Variants in CAMTA1 observed in about 807,000 individuals in gnomAD.
CAMTA1 encodes the protein calmodulin-binding transcription activator 1.
CAMTA1 carries 27 observed loss-of-function variants against 170.9 expected under a neutral mutation model. That is an observed-to-expected ratio of 0.16 (90% confidence interval 0.12 to 0.22). The LOEUF (loss-of-function observed/expected upper bound fraction) is 0.22, where lower values mean the gene tolerates loss of function less well. Among genes scored for constraint, CAMTA1 ranks in the 10% least tolerant of loss-of-function variants. The probability of loss-of-function intolerance (pLI) is 1.00; values close to 1 mark genes in which losing one functional copy is unlikely to be tolerated. For missense variants in CAMTA1, 1,619 were observed against 2,217.2 expected (o/e 0.73, Z 5.42); for synonymous variants, 833 against 891.5 (o/e 0.93, Z 1.17).
chr1:7,392,894 A>T lies in CAMTA1; in HGVS notation c.439-74936A>T, dbSNP rs112057128. 5.9e-3 allele frequency among the ~76,000 whole-genome samples: 894 copies of T among 151,608 alleles called. 8 individuals are homozygous for T. The highest frequency in any genetic ancestry group is 0.021 in the African/African-American group (856 of 41,302). On this transcript the variant is annotated intron_variant, in intron 5 of 22. Coordinates refer to ENST00000303635, the MANE Select transcript of CAMTA1 (RefSeq NM_015215.4). ...CGATCAATCAATCAATCAATCAATCAATCTATAAGCTGAGTGTGGTGGTTA... is the reference window on the plus strand; with the variant it reads ...CGATCAATCAATCAATCAATCAATCTATCTATAAGCTGAGTGTGGTGGTTA...
chr1:7,300,898 C>G lies in CAMTA1; in HGVS notation c.438+51272C>G, dbSNP rs750279845. Among the ~76,000 whole-genome samples the G allele has an allele frequency of 2.4e-4, 37 of 152,128 alleles. No individual in the cohort carries two copies. The highest frequency in any genetic ancestry group is 4.6e-4 in the Non-Finnish European group (31 of 68,016). The stretch of plus-strand genomic sequence containing the variant: ...CATAAACTTTTATTTATCATGACAG[C>G]AAGTCATAAAGTTCTCTTACTAGAA... On this transcript the variant is annotated intron_variant, in intron 5 of 22. Transcript: ENST00000303635. This position sits in a 1 kb window ranked among gnomAD's most constrained non-coding sequence, Gnocchi z 4.1.
chr1:7,499,742 G>A (rs1451961713), intron 6 of CAMTA1, among the ~76,000 whole-genome samples: 8 of 140,690 alleles, frequency 5.7e-5, no homozygotes, highest in Non-Finnish European at 1.1e-4. Context: ...GAGTGAGTGT[G>A]TAGAGAGGAT....
At chr1:7,020,718 C>T (rs1305252878) in intron 3 of CAMTA1, among the ~76,000 whole-genome samples, 5 of 152,118 alleles carry the variant, frequency 3.3e-5, no homozygotes, top group Non-Finnish European at 7.4e-5. Context: ...CCTTGAGCTG[C>T]GATATGGGGC....
chr1:7,589,486 G>C (rs2095338719), intron 6 of CAMTA1, among the ~76,000 whole-genome samples: 1 of 152,206 alleles, frequency 6.6e-6, no homozygotes, highest in East Asian at 1.9e-4. Context: ...AATCCTCTTG[G>C]TGAGAGCAGT....
chr1:7,726,677 A>C (rs2096689236), intron 11 of CAMTA1, among the ~76,000 whole-genome samples: 1 of 152,056 alleles, frequency 6.6e-6, no homozygotes. Context: ...TCTTTTCTGT[A>C]CCCTTGCCCA....
chr1:7,729,381 G>C (rs1383790257), intron 11 of CAMTA1, among the ~76,000 whole-genome samples: 1 of 152,164 alleles, frequency 6.6e-6, no homozygotes, highest in Non-Finnish European at 1.5e-5. Context: ...CTCTCAAAGT[G>C]GTGGGATTAC....
At position 7,570,267 on chromosome 1, in the gene CAMTA1, T is replaced by C. The variant is rs2095109523; in HGVS notation, c.511-70133T>C. ...TCTTTTCCCTGGCTTCTGCTTTTGA[T>C]CCCTGAGGAGATGCAACCCTTCCTT... On this transcript the variant is annotated intron_variant, in intron 6 of 22. Coordinates refer to ENST00000303635, the MANE Select transcript of CAMTA1 (RefSeq NM_015215.4). This position sits in a 1 kb window ranked among gnomAD's most constrained non-coding sequence, Gnocchi z 4.3. Among the ~76,000 whole-genome samples, 1 of 152,258 alleles carries C rather than the reference T, an allele frequency of 6.6e-6. No homozygotes were observed.
At chr1:7,499,580 C>T (rs2093937347) in intron 6 of CAMTA1, among the ~76,000 whole-genome samples, 1 of 130,892 alleles carries the variant, frequency 7.6e-6, no homozygotes, top group Non-Finnish European at 1.6e-5. Flanking sequence ...ATGGTGTGAG[C>T]CTGGCGTGAG....
chr1:7,058,815 A>T (rs2101714506), intron 3 of CAMTA1, among the ~76,000 whole-genome samples: 1 of 152,316 alleles, frequency 6.6e-6, no homozygotes, highest in South Asian at 2.1e-4. Context: ...TTTCTGAGAA[A>T]TCAGACAACT....
At chr1:6,885,238 C>T (rs1351630176) in intron 3 of CAMTA1, among the ~76,000 whole-genome samples, 1 of 152,146 alleles carries the variant, frequency 6.6e-6, no homozygotes, top group Non-Finnish European at 1.5e-5. Flanking sequence ...TTGTAAATTA[C>T]AACACATGTT....
chr1:6,799,123 T>A (rs995643927), intron 1 of CAMTA1, among the ~76,000 whole-genome samples: 7 of 152,168 alleles, frequency 4.6e-5, no homozygotes, highest in African/African-American at 1.7e-4. Flanking sequence ...TCACCCAGGC[T>A]AGAGTGCCAT....
chr1:7,604,244 G>C (rs555686568), intron 6 of CAMTA1, among the ~76,000 whole-genome samples: 36 of 152,292 alleles, frequency 2.4e-4, no homozygotes, highest in Admixed American at 1.6e-3. Flanking sequence ...TGCTAGATTG[G>C]GGAAGTTCTC....
At chr1:7,150,938 A>G (rs935123733) in intron 4 of CAMTA1, among the ~76,000 whole-genome samples, 1 of 152,198 alleles carries the variant, frequency 6.6e-6, no homozygotes, top group Admixed American at 6.5e-5. Context: ...CTGCTCATAT[A>G]TTGATTGACT....
At chr1:7,171,604 A>G (rs1649618440) in intron 4 of CAMTA1, among the ~76,000 whole-genome samples, 1 of 152,214 alleles carries the variant, frequency 6.6e-6, no homozygotes, top group African/African-American at 2.4e-5. Flanking sequence ...AATTTTAAAA[A>G]ACTGAGATGA....
chr1:7,626,894 C>G (rs1025236066), intron 6 of CAMTA1, among the ~76,000 whole-genome samples: 7 of 152,160 alleles, frequency 4.6e-5, no homozygotes, highest in African/African-American at 1.7e-4. Context: ...CCTGGAGGAT[C>G]TTTCATGCAC....
rs58318758 is a variant in CAMTA1, at chr1:7,118,290, C to CTTTTTT, written c.302+26934_302+26939dup. ...AGTGGGACTGCAGATTCTTGGCATCCTTTTTTTTTTTTTTTTTTTTGAGAC... is the reference window on the plus strand; with the variant it reads ...AGTGGGACTGCAGATTCTTGGCATCCTTTTTTTTTTTTTTTTTTTTTTTTTTGAGAC... On this transcript the variant is annotated intron_variant, in intron 4 of 22. Coordinates refer to ENST00000303635, the MANE Select transcript of CAMTA1 (RefSeq NM_015215.4). Among the ~76,000 whole-genome samples, 31 of 112,500 alleles carry CTTTTTT rather than the reference C, an allele frequency of 2.8e-4. 2 individuals carry two copies. Among genetic ancestry groups the CTTTTTT allele is most frequent in the Admixed American group, 6.0e-4 (6 of 9,984 alleles). 73.8% of individuals were successfully genotyped at this position (112,500 alleles called of 152,430 possible).
At chr1:7,653,763 T>C (rs2095862092) in intron 7 of CAMTA1, among the ~76,000 whole-genome samples, 1 of 152,132 alleles carries the variant, frequency 6.6e-6, no homozygotes, top group Non-Finnish European at 1.5e-5. Flanking sequence ...TCATTCACTC[T>C]ACCAGCCTTT....
At chr1:7,008,543 C>G (rs1396436771) in intron 3 of CAMTA1, 2 of 152,122 alleles carry the variant, frequency 1.3e-5, no homozygotes, top group Non-Finnish European at 2.9e-5. Flanking sequence ...GGTGGCTGAG[C>G]CTCGAGCACC....
chr1:7,479,329 G>A (rs958774128), intron 6 of CAMTA1, among the ~76,000 whole-genome samples: 2 of 152,188 alleles, frequency 1.3e-5, no homozygotes, highest in Admixed American at 6.5e-5. Context: ...GTACACAGGC[G>A]TCACTGCGCC....
Sources: gnomAD v4.1 joint callset for allele counts (sites outside exome capture counted in the v4.1 genomes callset) on GRCh38, gnomAD v4.1.1 for gene constraint, Gnocchi (gnomAD v3.1) non-coding constraint, MANE v1.5 for transcripts, NCBI Gene and HGNC (gene_info 2026-07-23, HGNC 2026-07-21) for gene names.